THSD4: variants seen among roughly 807,000 people sequenced by gnomAD.
THSD4 encodes thrombospondin type 1 domain containing 4.
Under a neutral mutation model 119.0 loss-of-function variants are expected in THSD4, and 69 were observed. The observed-to-expected ratio is 0.58, with a 90% CI of 0.48 to 0.71. The LOEUF is 0.71. Among genes scored for constraint, THSD4 ranks in the 30% least tolerant of loss-of-function variants. THSD4 has a pLI of 0.00. For synonymous variants in THSD4, 524 were observed against 540.4 expected, an observed-to-expected ratio of 0.97 and a Z score of 0.42; for missense variants, 1,393 against 1,391.1, an observed-to-expected ratio of 1.00 and a Z score of -0.02.
intron 7 of THSD4, among the ~76,000 whole-genome samples, chr15:71,532,283 A>AGAGAGAGAGAGAGAGAGAGTGT (rs1379506089): frequency 1.1e-3 from 115 of 101,626 alleles, no homozygotes; most frequent in Admixed American, 1.8e-3. Context: ...AGAGAGAGAG[A>AGAGAGAGAGAGAGAGAGAGTGT]GTGTGTGTGT....
Position 71,215,039 on chromosome 15 carries a change from C to G in THSD4, c.104C>G (p.Pro35Arg). The G allele has an allele frequency of 7.8e-7, 1 of 1,286,774 alleles. No individual in the cohort carries two copies. Among genetic ancestry groups the G allele is most frequent in the Non-Finnish European group, 9.9e-7 (1 of 1,012,156 alleles). The allele number at this position is 1,286,774 out of a possible 1,614,324, so 79.7% of individuals were successfully genotyped here. The change falls in exon 4 of 18, where the codon CCG becomes CGG. Residue 35 changes from proline (P) to arginine (R), a missense_variant. By Grantham distance (103) the Pro-to-Arg change is moderately radical (BLOSUM62 -2). Transcript: ENST00000261862. ...PQPSTQHRKV[P>R]QRMAAEGAPE... The stretch of plus-strand genomic sequence containing the variant: ...AACCTGCCTCTGTCTCCGCAGGTCC[C>G]GCAGCGGATGGCGGCGGAGGGCGCC...
At chr15:71,736,537 CTCTG>C (rs2053113745) in intron 10 of THSD4, among the ~76,000 whole-genome samples, 1 of 151,984 alleles carries the variant, frequency 6.6e-6, no homozygotes, top group African/African-American at 2.4e-5. Flanking sequence ...CTCTCTTGCT[CTCTG>C]TCTCTCTCTC....
intron 6 of THSD4, among the ~76,000 whole-genome samples, chr15:71,391,288 CAA>C (rs2046375376): frequency 6.6e-6 from 1 of 152,188 alleles, no homozygotes; most frequent in South Asian, 2.1e-4. Context: ...CTCGGCCTCT[CAA>C]AGTGCTGGGA....
At chr15:71,727,780 G>C (rs1043981816) in intron 8 of THSD4, among the ~76,000 whole-genome samples, 1 of 107,642 alleles carries the variant, frequency 9.3e-6, no homozygotes, top group Admixed American at 9.6e-5. Flanking sequence ...AAAAAAAAAA[G>C]GGGAGGGCTG....
intron 3 of THSD4, among the ~76,000 whole-genome samples, chr15:71,205,458 G>T (rs1325282699): frequency 6.6e-6 from 1 of 152,060 alleles, no homozygotes; most frequent in Non-Finnish European, 1.5e-5. Context: ...CCTCTGCATG[G>T]TTCATATTTT....
intron 3 of THSD4, among the ~76,000 whole-genome samples, chr15:71,212,380 G>T (rs1490801023): frequency 6.6e-6 from 1 of 152,144 alleles, no homozygotes; most frequent in Non-Finnish European, 1.5e-5. Context: ...TCTTCCCCCA[G>T]GGACCTGCCC....
At chr15:71,240,366 A>G (rs1371692751) in intron 4 of THSD4, among the ~76,000 whole-genome samples, 1 of 151,886 alleles carries the variant, frequency 6.6e-6, no homozygotes, top group African/African-American at 2.4e-5. Flanking sequence ...AAAAATGGTA[A>G]TTTGCAGTGT....
chr15:71,635,578 GA>G (rs1448352487), intron 7 of THSD4, among the ~76,000 whole-genome samples: 1 of 152,154 alleles, frequency 6.6e-6, no homozygotes, highest in Non-Finnish European at 1.5e-5. Context: ...TTTTCTAAAG[GA>G]AACACGTCAT....
At chr15:71,463,546 C>T (rs16955653) in intron 7 of THSD4, among the ~76,000 whole-genome samples, 2,173 of 152,266 alleles carry the variant, frequency 0.014, 35 homozygotes, top group South Asian at 0.068. Flanking sequence ...GTTGTCAGTT[C>T]TAGGAACCTG....
chr15:71,356,885 G>A (rs982799795), intron 6 of THSD4, among the ~76,000 whole-genome samples: 1 of 152,194 alleles, frequency 6.6e-6, no homozygotes, highest in Non-Finnish European at 1.5e-5. Flanking sequence ...CAGTAGCACT[G>A]TATGGCAGGA....
chr15:71,505,006 T>A (rs574167483), intron 7 of THSD4, among the ~76,000 whole-genome samples: 1 of 152,308 alleles, frequency 6.6e-6, no homozygotes, highest in Non-Finnish European at 1.5e-5. Context: ...TGTTTTTCTT[T>A]GTTAGACTGG....
chr15:71,651,332 T>G (rs1219938851), intron 7 of THSD4, among the ~76,000 whole-genome samples: 1 of 152,180 alleles, frequency 6.6e-6, no homozygotes, highest in Non-Finnish European at 1.5e-5. Flanking sequence ...CAGTTGTCTG[T>G]GTGTGTCCCA....
At chr15:71,627,938 A>G (rs951355337) in intron 7 of THSD4, among the ~76,000 whole-genome samples, 1 of 152,244 alleles carries the variant, frequency 6.6e-6, no homozygotes, top group Non-Finnish European at 1.5e-5. Context: ...AAAGGTTCAC[A>G]TATGGACAAC....
intron 7 of THSD4, among the ~76,000 whole-genome samples, chr15:71,558,450 ATAT>A (rs2049056996): frequency 6.6e-6 from 1 of 152,066 alleles, no homozygotes; most frequent in South Asian, 2.1e-4. Context: ...TTAAGTTTTG[ATAT>A]ACAGTATTTT....
chr15:71,389,761 G>A (rs1291671520), intron 6 of THSD4, among the ~76,000 whole-genome samples: 1 of 149,358 alleles, frequency 6.7e-6, no homozygotes, highest in Non-Finnish European at 1.5e-5. Context: ...GTATATATAA[G>A]GGTTCCAATT....
At chr15:71,330,700 C>T (rs2045409494) in intron 6 of THSD4, among the ~76,000 whole-genome samples, 1 of 152,162 alleles carries the variant, frequency 6.6e-6, no homozygotes, top group Non-Finnish European at 1.5e-5. Context: ...CTTCCAGGAC[C>T]CAGGTGAAGA....
intron 6 of THSD4, among the ~76,000 whole-genome samples, chr15:71,403,838 C>T (rs2046571289): frequency 2.7e-5 from 2 of 74,552 alleles, no homozygotes; most frequent in East Asian, 6.4e-4. Context: ...GGGAAACTGA[C>T]ACATACTAAT....
Position 71,631,041 on chromosome 15 carries a change from T to A in THSD4, c.1153-29489T>A, listed in dbSNP as rs560799427. On this transcript the variant is annotated intron_variant, in intron 7 of 17. Coordinates refer to ENST00000261862, the MANE Select transcript of THSD4 (RefSeq NM_024817.3). ...AAAAACACCCGCAGACATTTCCCAG[T>A]GTCTCCTGGGGAGGGCAAGATCTCC... 5.9e-5 allele frequency among the ~76,000 whole-genome samples: 9 copies of A among 152,286 alleles called. No homozygotes were observed. In the South Asian group the frequency reaches 1.9e-3, roughly 32 times the overall value.
At chr15:71,183,972 A>G (rs1476235683) in intron 3 of THSD4, 2 of 151,800 alleles carry the variant, frequency 1.3e-5, no homozygotes, top group African/African-American at 4.8e-5. Flanking sequence ...CCATCTATTT[A>G]AACTGGTAAA....
Sources: gnomAD v4.1 joint callset for allele counts (sites outside exome capture counted in the v4.1 genomes callset) on GRCh38, gnomAD v4.1.1 for gene constraint, MANE v1.5 for transcripts, NCBI Gene and HGNC (gene_info 2026-07-23, HGNC 2026-07-21) for gene names.